Variants in TRIM65 observed in about 807,000 individuals in gnomAD.
TRIM65 encodes the protein E3 ubiquitin-protein ligase TRIM65.
Under a neutral mutation model 36.1 loss-of-function variants are expected in TRIM65, and 46 were observed. That is an observed-to-expected ratio of 1.27 (90% CI 1.01 to 1.63). The LOEUF is 1.63. TRIM65 is among the 40% of genes most tolerant of loss of function. The probability of loss-of-function intolerance (pLI) is 0.00; values close to 1 mark genes in which losing one functional copy is unlikely to be tolerated. For missense variants in TRIM65, 708 were observed against 696.6 expected, an observed-to-expected ratio of 1.02 and a Z score of -0.18; for synonymous variants, 346 against 313.6, an observed-to-expected ratio of 1.10 and a Z score of -1.09.
intron 1 of TRIM65, among the ~76,000 whole-genome samples, chr17:75,893,932 T>C (rs1356127215): frequency 6.6e-6 from 1 of 152,174 alleles, no homozygotes; most frequent in East Asian, 1.9e-4. Flanking sequence ...CTCAGTCTTC[T>C]GCACCCGCCC....
At chr17:75,893,975 C>T (rs1316860447) in intron 1 of TRIM65, among the ~76,000 whole-genome samples, 4 of 152,316 alleles carry the variant, frequency 2.6e-5, no homozygotes, top group Admixed American at 6.5e-5. Flanking sequence ...TCCTCCTCGG[C>T]GGCTTCAGCA....
rs751974631 is a variant in TRIM65, at chr17:75,892,798, T to C, written c.467A>G (p.Glu156Gly). The change falls in exon 2 of 6, where the codon GAA becomes GGA. Residue 156 changes from glutamate (E) to glycine (G), a missense_variant. By Grantham distance (98) the Glu-to-Gly change is moderately conservative (BLOSUM62 -2). Transcript: ENST00000269383. The part of the protein sequence containing the change: ...EVTQQQATQA[E>G]GQLLELRKQS... Reference sequence around the variant, plus strand: ...CTTGCGCAGCTCTAGTAGCTGGCCTTCGGCCTGGGTGGCCTGCTGCTGGGT... The same window carrying C: ...CTTGCGCAGCTCTAGTAGCTGGCCTCCGGCCTGGGTGGCCTGCTGCTGGGT... 13 of 1,604,330 alleles carry C rather than the reference T, an allele frequency of 8.1e-6. No individual in the cohort carries two copies. Among genetic ancestry groups the C allele is most frequent in the Non-Finnish European group, 9.3e-6 (11 of 1,179,920 alleles).
chr17:75,883,842 A>G (rs2065186412), intron 4 of TRIM65, among the ~76,000 whole-genome samples: 1 of 151,996 alleles, frequency 6.6e-6, no homozygotes, highest in African/African-American at 2.4e-5. Flanking sequence ...TGTATTTTTA[A>G]ACATTTGGTT....
intron 1 of TRIM65, among the ~76,000 whole-genome samples, chr17:75,896,122 C>A (rs2065342581): frequency 1.3e-5 from 2 of 152,230 alleles, no homozygotes; most frequent in African/African-American, 4.8e-5. Flanking sequence ...GTGGCACGAT[C>A]TCGGCTTACT....
At chr17:75,891,476 C>T (rs952935606) in intron 5 of TRIM65, 129 bp from the exon 6 acceptor site, 12 of 1,002,616 alleles carry the variant, frequency 1.2e-5, no homozygotes, top group African/African-American at 6.5e-5. Flanking sequence ...ATCCTCGCCA[C>T]GACCTCGCAG....
rs962814948 is a variant in TRIM65 at position 75,890,792 on chromosome 17, T to C, written c.1541A>G (p.Glu514Gly). 2 of 1,484,954 alleles carry C rather than the reference T, an allele frequency of 1.3e-6. No homozygotes were observed. Among genetic ancestry groups the C allele is most frequent in the Non-Finnish European group, 1.8e-6 (2 of 1,118,862 alleles). The allele number at this position is 1,484,954 out of a possible 1,614,324, so 92.0% of individuals were successfully genotyped here. A position where few individuals can be genotyped will look rare whatever the true frequency, so the allele number is the denominator to read the frequency against. The change falls in exon 6 of 6, where the codon GAG becomes GGG. Residue 514 changes from glutamate to glycine, a missense_variant. By Grantham distance (98) the Glu-to-Gly change is moderately conservative. Coordinates refer to ENST00000269383, the MANE Select transcript of TRIM65 (RefSeq NM_173547.4). The part of the protein sequence containing the change: ...GAVFPLGPQE[E>G]VLS ...CCCATGCCTTCTTCAGCTGAGCACC[T>C]CTTCCTGGGGCCCCAGAGGGAACAC... is the stretch of plus-strand genomic sequence containing the variant.
At chr17:75,884,699 G>A (rs2065193786), downstream of TRIM65, among the ~76,000 whole-genome samples, 1 of 152,092 alleles carries the variant, frequency 6.6e-6, no homozygotes. Flanking sequence ...GCTTACTGCA[G>A]CCTCAACATC....
Position 75,889,723 on chromosome 17 carries a change from C to T in TRIM65, c.*1056G>A, listed in dbSNP as rs1463750398. 3 of 152,194 alleles carry T rather than the reference C, an allele frequency of 2.0e-5. No homozygotes were observed. The highest frequency in any genetic ancestry group is 4.8e-5 in the African/African-American group (2 of 41,442). 9.4% of individuals were successfully genotyped at this position (152,194 alleles called of 1,614,324 possible). A position where few individuals can be genotyped will look rare whatever the true frequency, so the allele number is the denominator to read the frequency against. ...AAAAAATCTTCAAGTGCTCATTGTT[C>T]CCTGAGTGACTCACTTGAGGTAACA... On this transcript the variant is annotated 3_prime_UTR_variant, in exon 6 of 6. Coordinates refer to ENST00000269383, the MANE Select transcript of TRIM65 (RefSeq NM_173547.4).
At chr17:75,891,729 A>G (rs2065269517) in intron 5 of TRIM65, 84 bp downstream of exon 5, 1 of 968,058 alleles carries the variant, frequency 1.0e-6, no homozygotes, top group South Asian at 1.8e-5. Context: ...ACGAACATGC[A>G]CACACACACG....
In TRIM65 at chr17:75,896,741, A is replaced by G; in HGVS notation, c.197T>C (p.Leu66Pro). 1 of 1,471,586 alleles carries G rather than the reference A, an allele frequency of 6.8e-7. No individual in the cohort carries two copies. The highest frequency in any genetic ancestry group is 9.0e-7 in the Non-Finnish European group (1 of 1,116,310). The allele number at this position is 1,471,586 out of a possible 1,614,324, so 91.2% of individuals were successfully genotyped here. A position where few individuals can be genotyped will look rare whatever the true frequency, so the allele number is the denominator to read the frequency against. The change falls in exon 1 of 6, where the codon CTC (leucine) becomes CCC (proline). Residue 66 changes from leucine (L) to proline (P), a missense_variant. By Grantham distance (98) the Leu-to-Pro change is moderately conservative (BLOSUM62 -3). Transcript: ENST00000269383. Reference sequence around the variant, plus strand: ...GCGCACCACCTCCAGCACGCCGCTGAGGGCCACGTTGCGGCGCAGCTCGGC... The same window carrying G: ...GCGCACCACCTCCAGCACGCCGCTGGGGGCCACGTTGCGGCGCAGCTCGGC... ...DGAELRRNVA[L>P]SGVLEVVRAG...
At chr17:75,882,700 C>G (rs139721146) in intron 4 of TRIM65, among the ~76,000 whole-genome samples, 1 of 150,700 alleles carries the variant, frequency 6.6e-6, no homozygotes, top group East Asian at 1.9e-4. Context: ...ACTGGAATTC[C>G]GATAGGTACC....
chr17:75,891,444 C>A, intron 5 of TRIM65, 97 bp from the exon 6 acceptor site: 1 of 1,288,496 alleles, frequency 7.8e-7, no homozygotes, highest in Non-Finnish European at 1.1e-6. Flanking sequence ...ACGCTGAGCA[C>A]CGGCCGTCAC....
At position 75,892,482 on chromosome 17, in the gene TRIM65, C is replaced by A. The variant is rs566294280; in HGVS notation, c.529G>T (p.Ala177Ser). The A allele has an allele frequency of 6.2e-7, 1 of 1,613,876 alleles. No individual in the cohort carries two copies. Among genetic ancestry groups the A allele is most frequent in the Non-Finnish European group, 8.5e-7 (1 of 1,179,886 alleles). The change falls in exon 3 of 6, where the codon GCC (alanine) becomes TCC (serine). Residue 177 changes from alanine to serine, a missense_variant. Transcript: ENST00000269383. ...SQIQNSACIL[A>S]SWVSGKFSSL... ...CTGAACTTGCCGGAGACCCAGGAGG[C>A]CAAGATGCAGGCCGAGTTCTGGGCG...
intron 4 of TRIM65, chr17:75,880,739 T>G (rs917886449): frequency 2.0e-5 from 3 of 150,474 alleles, no homozygotes; most frequent in Non-Finnish European, 4.4e-5. Flanking sequence ...TCCAGGACCC[T>G]GGCCCTTCCC....
At chr17:75,892,934 G>T in intron 1 of TRIM65, 84 bp from the exon 2 acceptor site, 2 of 1,243,422 alleles carry the variant, frequency 1.6e-6, no homozygotes, top group Non-Finnish European at 2.3e-6. Context: ...AACCATGCCT[G>T]CAGACACCAG....
Position 75,891,055 on chromosome 17 carries a change from G to A in TRIM65, c.1278C>T (p.Cys426=), listed in dbSNP as rs560620917. The A allele has an allele frequency of 4.3e-6, 7 of 1,612,446 alleles. No homozygotes were observed. The East Asian group carries it at 6.7e-5, about 15-fold the overall frequency. Residue 426 remains cysteine, a synonymous_variant, in exon 6 of 6, where the codon TGC becomes TGT. Transcript: ENST00000269383. ...IGRGPCSWGL[C]VQEDSLQAWH... is the part of the protein sequence containing the mutation. ...AGGCCTGGAGGCTGTCCTCCTGGAC[G>A]CAGAGCCCCCAGGAGCAGGGTCCCC...
intron 1 of TRIM65, among the ~76,000 whole-genome samples, chr17:75,895,883 C>G (rs913178259): frequency 6.6e-6 from 1 of 152,228 alleles, no homozygotes; most frequent in African/African-American, 2.4e-5. Flanking sequence ...TGAAAGGAGG[C>G]TCTCGGAGCG....
chr17:75,881,363 C>G (rs1188414111), intron 4 of TRIM65, among the ~76,000 whole-genome samples: 3 of 150,374 alleles, frequency 2.0e-5, no homozygotes, highest in Non-Finnish European at 4.4e-5. Flanking sequence ...GGCTGCTATC[C>G]CAGAACACCA....
intron 2 of TRIM65, 127 bp from the exon 3 acceptor site, chr17:75,892,627 C>A: frequency 8.1e-7 from 1 of 1,236,786 alleles, no homozygotes. Flanking sequence ...GGGAACCTCC[C>A]CAGGACCCCT....
Sources: allele counts gnomAD v4.1 joint callset (sites outside exome capture counted in the v4.1 genomes callset), GRCh38; gene constraint gnomAD v4.1.1; transcripts MANE v1.5; gene names NCBI Gene and HGNC (gene_info 2026-07-23, HGNC 2026-07-21).